Variants in CECR2 observed in about 807,000 individuals in gnomAD.
CECR2 encodes chromatin remodeling regulator CECR2.
CECR2 carries 30 observed loss-of-function variants against 154.5 expected under a neutral mutation model. That is an observed-to-expected ratio of 0.19 (90% CI 0.15 to 0.26). CECR2 has a LOEUF of 0.26. Among genes scored for constraint, CECR2 ranks in the 10% least tolerant of loss-of-function variants. CECR2 has a pLI of 1.00. For synonymous variants in CECR2, 725 were observed against 683.7 expected, an observed-to-expected ratio of 1.06 and a Z score of -0.94; for missense variants, 1,743 against 1,829.3, an observed-to-expected ratio of 0.95 and a Z score of 0.86.
intron 1 of CECR2, among the ~76,000 whole-genome samples, chr22:17,392,615 G>A (rs969813062): frequency 6.6e-5 from 10 of 152,168 alleles, no homozygotes; most frequent in Admixed American, 5.9e-4. Context: ...CAGGGAGATG[G>A]AGGTTGCAGT....
At chr22:17,368,672 C>G, upstream of CECR2, among the ~76,000 whole-genome samples, 1 of 152,198 alleles carries the variant, frequency 6.6e-6, no homozygotes, top group East Asian at 1.9e-4. Flanking sequence ...CCCATCCCCC[C>G]GCCTTCCAAG....
chr22:17,399,879 T>A (rs192886516), intron 1 of CECR2, among the ~76,000 whole-genome samples: 1 of 152,372 alleles, frequency 6.6e-6, no homozygotes, highest in Admixed American at 6.5e-5. Context: ...TCTTGAAATT[T>A]AAGAAATACA....
At position 17,440,951 on chromosome 22, in the gene CECR2, G is replaced by C. The variant is rs570414881; in HGVS notation, c.127-36637G>C. 2.1e-4 allele frequency among the ~76,000 whole-genome samples: 32 copies of C among 151,686 alleles called. 1 individual carries two copies. The highest frequency in any genetic ancestry group is 6.5e-4 in the African/African-American group (27 of 41,336). ...CAGGTCTTATTAACACTGTTTTTGG[G>C]GGGGAGGGGCAGGGGGCAGGGGGCG... On this transcript the variant is annotated intron_variant, in intron 1 of 18. Transcript: ENST00000262608.
chr22:17,536,044 T>G (rs555093015), intron 9 of CECR2, among the ~76,000 whole-genome samples: 13 of 152,046 alleles, frequency 8.6e-5, no homozygotes, highest in Non-Finnish European at 1.6e-4. Context: ...AGGTCACGAG[T>G]TCGAGACCAG....
intron 1 of CECR2, among the ~76,000 whole-genome samples, chr22:17,457,299 T>A (rs2054869409): frequency 6.6e-6 from 1 of 152,246 alleles, no homozygotes; most frequent in Admixed American, 6.5e-5. Flanking sequence ...AGTACTGGGA[T>A]TACAGGCGTG....
chr22:17,535,275 A>G lies in CECR2; in HGVS notation c.1109-1828A>G, dbSNP rs138447033. Among the ~76,000 whole-genome samples, 687 of 152,008 alleles carry G rather than the reference A, an allele frequency of 4.5e-3. 6 individuals are homozygous for G. The highest frequency in any genetic ancestry group is 0.015 in the African/African-American group (626 of 41,450). ...GGAGGTTGCAGTGAGCTGAGATCGC[A>G]CCACTACACTTTAGCCTGGGCAACA... On this transcript the variant is annotated intron_variant, in intron 9 of 18. Coordinates refer to ENST00000262608, the MANE Select transcript of CECR2 (RefSeq NM_001290047.2).
In CECR2 at chr22:17,454,989, G is replaced by A. The variant is rs576464119; in HGVS notation, c.127-22599G>A. On this transcript the variant is annotated intron_variant, in intron 1 of 18. Coordinates refer to ENST00000262608, the MANE Select transcript of CECR2 (RefSeq NM_001290047.2). ...TATAACCTGACACGTCCACCCTACT[G>A]CTGTGTCCGGTTTCCATTGGCTGGA... Among the ~76,000 whole-genome samples, 7 of 152,312 alleles carry A rather than the reference G, an allele frequency of 4.6e-5. No homozygotes were observed. In the South Asian group the frequency reaches 1.4e-3, roughly 32 times the overall value.
intron 1 of CECR2, among the ~76,000 whole-genome samples, chr22:17,407,300 C>G (rs569015039): frequency 6.6e-6 from 1 of 152,076 alleles, no homozygotes; most frequent in Non-Finnish European, 1.5e-5. Context: ...CCGTACTGGG[C>G]TATAATTGAA....
At chr22:17,479,702 C>G (rs898559410) in intron 2 of CECR2, among the ~76,000 whole-genome samples, 16 of 151,384 alleles carry the variant, frequency 1.1e-4, no homozygotes. Context: ...ATCATTCTAA[C>G]TAGAATCAAA....
intron 2 of CECR2, among the ~76,000 whole-genome samples, chr22:17,496,689 CT>C (rs1401657824): frequency 6.6e-6 from 1 of 152,150 alleles, no homozygotes; most frequent in Non-Finnish European, 1.5e-5. Flanking sequence ...CTATGCGTTT[CT>C]TTTTTCCTTT....
intron 1 of CECR2, among the ~76,000 whole-genome samples, chr22:17,364,257 G>T (rs13057377): frequency 0.026 from 3,860 of 147,362 alleles, 57 homozygotes; most frequent in Non-Finnish European, 0.042. Context: ...GCAGGAGAAT[G>T]GCGTGAACCT....
chr22:17,427,927 A>G (rs762672623), intron 1 of CECR2, among the ~76,000 whole-genome samples: 2 of 152,166 alleles, frequency 1.3e-5, no homozygotes, highest in African/African-American at 2.4e-5. Context: ...GGTCAGACTA[A>G]TTTACACTCC....
chr22:17,538,851 G>C, intron 12 of CECR2, 120 bp downstream of exon 12: 1 of 1,312,976 alleles, frequency 7.6e-7, no homozygotes, highest in Non-Finnish European at 1.1e-6. Context: ...ACTGTCAAAA[G>C]TTCATGTGAT....
At chr22:17,446,342 G>C (rs913283137) in intron 1 of CECR2, among the ~76,000 whole-genome samples, 11 of 152,162 alleles carry the variant, frequency 7.2e-5, no homozygotes, top group African/African-American at 2.7e-4. Flanking sequence ...TCCAGAGTTG[G>C]TTCCTTCCGG....
At chr22:17,524,409 T>TG in intron 9 of CECR2, 138 bp downstream of exon 9, 1 of 948,352 alleles carries the variant, frequency 1.1e-6, no homozygotes, top group Admixed American at 3.0e-5. Context: ...TTTTTTTTTT[T>TG]TGAGACGGAG....
At chr22:17,391,693 CAAAT>C (rs370618628) in intron 1 of CECR2, among the ~76,000 whole-genome samples, 2 of 152,236 alleles carry the variant, frequency 1.3e-5, no homozygotes, top group African/African-American at 4.8e-5. Flanking sequence ...AATTAACTGA[CAAAT>C]AAATTGAATG....
chr22:17,482,070 A>G (rs2518765), intron 2 of CECR2, among the ~76,000 whole-genome samples: 61,424 of 134,452 alleles, frequency 0.46, 14,525 homozygotes, highest in African/African-American at 0.6. Flanking sequence ...AGCCGAGATC[A>G]CGCCACTGCT....
intron 1 of CECR2, among the ~76,000 whole-genome samples, chr22:17,465,252 T>G (rs1012106370): frequency 1.3e-5 from 2 of 152,106 alleles, no homozygotes; most frequent in Admixed American, 6.6e-5. Context: ...CGCCTCGGCC[T>G]CCCAAAGTGC....
At chr22:17,500,382 T>C (rs912105942) in intron 4 of CECR2, among the ~76,000 whole-genome samples, 19 of 152,310 alleles carry the variant, frequency 1.2e-4, no homozygotes, top group African/African-American at 4.6e-4. Flanking sequence ...TAGGCTTTCT[T>C]ACTGCTAGGA....
Sources: allele counts gnomAD v4.1 joint callset (sites outside exome capture counted in the v4.1 genomes callset), GRCh38; gene constraint gnomAD v4.1.1; transcripts MANE v1.5; gene names NCBI Gene and HGNC (gene_info 2026-07-23, HGNC 2026-07-21).